TGFA: variants seen among roughly 807,000 people sequenced by gnomAD.
TGFA encodes the protein transforming growth factor alpha, also known as protransforming growth factor alpha.
In TGFA, 12 loss-of-function variants were observed where a neutral mutation model predicts 21.7. The ratio of observed to expected loss-of-function variants is 0.55; its 90% CI spans 0.35 to 0.90. The LOEUF (loss-of-function observed/expected upper bound fraction) is 0.90. Among genes scored for constraint, TGFA ranks in the 40% least tolerant of loss-of-function variants. The pLI is 0.01. For missense variants in TGFA, 178 were observed against 210.8 expected (o/e 0.84, Z 0.96); for synonymous variants, 79 against 88.1 (o/e 0.90, Z 0.58).
At chr2:70,526,973 C>T (rs188202740) in intron 1 of TGFA, among the ~76,000 whole-genome samples, 1,949 of 152,296 alleles carry the variant, frequency 0.013, 51 homozygotes, top group African/African-American at 0.044. Context: ...TTAGACTCAT[C>T]TAAATGAAAG....
At chr2:70,512,257 T>C (rs1316845062) in intron 2 of TGFA, among the ~76,000 whole-genome samples, 1 of 152,090 alleles carries the variant, frequency 6.6e-6, no homozygotes, top group African/African-American at 2.4e-5. Flanking sequence ...AGTAAATAAC[T>C]CTGGAAAGAG....
In TGFA at chr2:70,537,262, C is replaced by T. The variant is rs72910098; in HGVS notation, c.40+16466G>A. Reference sequence around the variant, plus strand: ...TTATCAGTCATTTCTCCATCTCTCTCCTTCTCCTCAGGCCTCCCTATTCCC... The same window carrying T: ...TTATCAGTCATTTCTCCATCTCTCTTCTTCTCCTCAGGCCTCCCTATTCCC... On this transcript the variant is annotated intron_variant, in intron 1 of 5. Coordinates refer to ENST00000295400, the MANE Select transcript of TGFA (RefSeq NM_003236.4). Among the ~76,000 whole-genome samples, 1,470 of 152,206 alleles carry T rather than the reference C, an allele frequency of 9.7e-3. 21 individuals carry two copies. Among genetic ancestry groups the T allele is most frequent in the African/African-American group, 0.034 (1,396 of 41,534 alleles).
At chr2:70,471,398 TTAG>T (rs1553493235) in intron 2 of TGFA, among the ~76,000 whole-genome samples, 235 of 152,308 alleles carry the variant, frequency 1.5e-3, no homozygotes, top group African/African-American at 5.5e-3. Flanking sequence ...CTGTGCACCC[TTAG>T]GATGAGCCAG....
At chr2:70,548,939 G>A (rs932069162) in intron 1 of TGFA, among the ~76,000 whole-genome samples, 1 of 152,088 alleles carries the variant, frequency 6.6e-6, no homozygotes, top group Non-Finnish European at 1.5e-5. Flanking sequence ...TTTCCTAGGG[G>A]GAAGAAAAGG....
chr2:70,466,547 C>A (rs1285647908), intron 2 of TGFA, among the ~76,000 whole-genome samples: 1 of 151,766 alleles, frequency 6.6e-6, no homozygotes, highest in Non-Finnish European at 1.5e-5. Context: ...ACAAAAAAAC[C>A]AAAAAAACCC....
Position 70,553,102 on chromosome 2 carries a change from G to C in TGFA, c.40+626C>G, listed in dbSNP as rs1205733938. On this transcript the variant is annotated intron_variant, in intron 1 of 5. Coordinates refer to ENST00000295400, the MANE Select transcript of TGFA (RefSeq NM_003236.4). ...ACACTCGGTCTAGGGTTTCGCTCCT[G>C]CCCTCGGCGGACACCGAAACCACTT... 5.6e-6 allele frequency: 8 copies of C among 1,429,180 alleles called. No homozygotes were observed. The African/African-American group carries it at 1.1e-4, about 20-fold the overall frequency. The allele number at this position is 1,429,180 out of a possible 1,614,324, so 88.5% of individuals were successfully genotyped here.
intron 1 of TGFA, among the ~76,000 whole-genome samples, chr2:70,523,072 G>A (rs1553502540): frequency 6.6e-6 from 1 of 152,162 alleles, no homozygotes; most frequent in East Asian, 1.9e-4. Flanking sequence ...CATGAGGAAT[G>A]AAGGAACTGT....
rs117152571 is a variant in TGFA, at chr2:70,547,432, A to G, written c.40+6296T>C. On this transcript the variant is annotated intron_variant, in intron 1 of 5. Coordinates refer to ENST00000295400, the MANE Select transcript of TGFA (RefSeq NM_003236.4). Reference sequence around the variant, plus strand: ...AACAAGAAGAAATCCTGTCTCTACTAAAAACACAAAAATTAGCTGGAAATC... The same window carrying G: ...AACAAGAAGAAATCCTGTCTCTACTGAAAACACAAAAATTAGCTGGAAATC... Among the ~76,000 whole-genome samples, 114 of 152,162 alleles carry G rather than the reference A, an allele frequency of 7.5e-4. No homozygotes were observed. In the East Asian group the frequency reaches 0.021, roughly 29 times the overall value.
rs1672704954 is a variant in TGFA, at chr2:70,528,399, C to T, written c.41-13487G>A. Among the ~76,000 whole-genome samples the T allele has an allele frequency of 2.0e-5, 3 of 151,908 alleles. No individual in the cohort carries two copies. The South Asian group carries it at 6.2e-4, about 32-fold the overall frequency. ...CTGGGCTGCCCTGTACCCCAAGCCT[C>T]ACTCTCACACTGGGAGCATGTCAGA... On this transcript the variant is annotated intron_variant, in intron 1 of 5. Transcript: ENST00000295400.
Position 70,452,959 on chromosome 2 carries a change from C to G in TGFA, c.475+259G>C, listed in dbSNP as rs564549398. Among the ~76,000 whole-genome samples, 3 of 152,114 alleles carry G rather than the reference C, an allele frequency of 2.0e-5. No individual in the cohort carries two copies. In the East Asian group the frequency reaches 5.8e-4, roughly 29 times the overall value. On this transcript the variant is annotated intron_variant, in intron 5 of 5. Transcript: ENST00000295400. Reference sequence around the variant, plus strand: ...CTCCGTCTCAAAAAACAAAACAAAACAACAAAACAAAAAAACTCTGAGGCT... The same window carrying G: ...CTCCGTCTCAAAAAACAAAACAAAAGAACAAAACAAAAAAACTCTGAGGCT...
At chr2:70,521,737 C>T (rs1029271588) in intron 1 of TGFA, among the ~76,000 whole-genome samples, 2 of 150,554 alleles carry the variant, frequency 1.3e-5, no homozygotes, top group Admixed American at 6.7e-5. Flanking sequence ...GCCTCCGCCT[C>T]CCGAGTAGCT....
At chr2:70,479,925 T>TCC (rs1196661428) in intron 2 of TGFA, among the ~76,000 whole-genome samples, 1 of 152,256 alleles carries the variant, frequency 6.6e-6, no homozygotes, top group East Asian at 1.9e-4. Context: ...AAAAATCTTC[T>TCC]CATATGATGA....
chr2:70,466,763 T>G lies in TGFA; in HGVS notation c.95-1027A>C, dbSNP rs114459318. On this transcript the variant is annotated intron_variant, in intron 2 of 5. Coordinates refer to ENST00000295400, the MANE Select transcript of TGFA (RefSeq NM_003236.4). ...TTCGTGGCAGGCCTATTCACAATGG[T>G]AAAGACATGGAACCAACCCAAATGC... is the stretch of plus-strand genomic sequence containing the variant. Among the ~76,000 whole-genome samples the G allele has an allele frequency of 9.2e-3, 1,398 of 152,148 alleles. 9 individuals carry two copies. The highest frequency in any genetic ancestry group is 0.016 in the Non-Finnish European group (1,060 of 67,988).
At chr2:70,479,190 C>T (rs1490012697) in intron 2 of TGFA, among the ~76,000 whole-genome samples, 1 of 152,084 alleles carries the variant, frequency 6.6e-6, no homozygotes, top group Non-Finnish European at 1.5e-5. Context: ...CTTGATATAG[C>T]TGTTATCTAG....
chr2:70,498,119 C>G (rs1671629451), intron 2 of TGFA, among the ~76,000 whole-genome samples: 1 of 151,326 alleles, frequency 6.6e-6, no homozygotes, highest in African/African-American at 2.4e-5. Flanking sequence ...TCAGAATCCA[C>G]AGGAAACAGA....
At chr2:70,473,417 A>T (rs1670817746) in intron 2 of TGFA, among the ~76,000 whole-genome samples, 1 of 151,318 alleles carries the variant, frequency 6.6e-6, no homozygotes, top group Non-Finnish European at 1.5e-5. Context: ...ACTTTTTGTG[A>T]ATGATCCCGA....
At chr2:70,487,547 C>T (rs925207255) in intron 2 of TGFA, among the ~76,000 whole-genome samples, 1 of 152,138 alleles carries the variant, frequency 6.6e-6, no homozygotes, top group Admixed American at 6.5e-5. Context: ...TGTATTCTAA[C>T]TGTGACCACA....
At chr2:70,553,413 A>T in intron 1 of TGFA, 1 of 1,441,590 alleles carries the variant, frequency 6.9e-7, no homozygotes, top group Non-Finnish European at 9.0e-7. Context: ...AGGTGTAGGC[A>T]TGTGTCTGAG....
In TGFA at chr2:70,519,198, T is replaced by A. The variant is rs572660472; in HGVS notation, c.41-4286A>T. On this transcript the variant is annotated intron_variant, in intron 1 of 5. Coordinates refer to ENST00000295400, the MANE Select transcript of TGFA (RefSeq NM_003236.4). ...CTTCCTCCCCTACCATTCTTAGACC[T>A]GGCAGGTCCTAAGGAACAGGAAGTA... is the stretch of plus-strand genomic sequence containing the variant. Among the ~76,000 whole-genome samples, 78 of 152,222 alleles carry A rather than the reference T, an allele frequency of 5.1e-4. 1 individual carries two copies. Among genetic ancestry groups the A allele is most frequent in the Middle Eastern group, 6.8e-3 (2 of 294 alleles).
Sources: allele counts gnomAD v4.1 joint callset (sites outside exome capture counted in the v4.1 genomes callset), GRCh38; gene constraint gnomAD v4.1.1; transcripts MANE v1.5; gene names NCBI Gene and HGNC (gene_info 2026-07-23, HGNC 2026-07-21).